PAPOLG: variants seen among roughly 807,000 people sequenced by gnomAD.
PAPOLG encodes the protein poly(A) polymerase gamma.
A neutral mutation model predicts 99.0 loss-of-function variants in PAPOLG; 40 were observed. The ratio of observed to expected loss-of-function variants is 0.40; its 90% confidence interval spans 0.31 to 0.53. The LOEUF (loss-of-function observed/expected upper bound fraction) is 0.53. Ranked by LOEUF, PAPOLG falls within the 20% of genes least tolerant of loss-of-function variation. The probability of loss-of-function intolerance (pLI) is 0.41; values close to 1 mark genes in which losing one functional copy is unlikely to be tolerated. For synonymous variants in PAPOLG, 310 were observed against 299.3 expected (o/e 1.04, Z -0.37); for missense variants, 675 against 884.1 (o/e 0.76, Z 3.00).
At chr2:60,795,814 G>T (rs967164969) in intron 21 of PAPOLG, among the ~76,000 whole-genome samples, 1 of 152,082 alleles carries the variant, frequency 6.6e-6, no homozygotes, top group South Asian at 2.1e-4. Flanking sequence ...GCTATTAGTT[G>T]TAGATTTTGA....
chr2:60,787,402 GTATT>G, intron 14 of PAPOLG, 105 bp from the exon 15 acceptor site: 5 of 1,338,964 alleles, frequency 3.7e-6, no homozygotes, highest in Non-Finnish European at 5.0e-6. Flanking sequence ...ACTGAAATCT[GTATT>G]TGTGAGATAG....
At chr2:60,796,930 C>T (rs1671725829) in intron 21 of PAPOLG, 132 bp from the exon 22 acceptor site, 2 of 1,089,072 alleles carry the variant, frequency 1.8e-6, no homozygotes, top group East Asian at 5.2e-5. Flanking sequence ...ATATTCATTG[C>T]ATACTTGAGT....
intron 8 of PAPOLG, among the ~76,000 whole-genome samples, chr2:60,775,990 C>G (rs891659407): frequency 1.3e-5 from 2 of 152,156 alleles, no homozygotes; most frequent in African/African-American, 4.8e-5. Flanking sequence ...GTCTCCAACT[C>G]CTGACCTTGT....
chr2:60,797,019 A>G, intron 21 of PAPOLG, 43 bp from the exon 22 acceptor site: 1 of 1,611,840 alleles, frequency 6.2e-7, no homozygotes, highest in Non-Finnish European at 8.5e-7. Flanking sequence ...TATAATATAT[A>G]TGATGTGCTT....
intron 9 of PAPOLG, 112 bp from the exon 10 acceptor site, chr2:60,780,595 A>G: frequency 1.7e-6 from 2 of 1,156,076 alleles, no homozygotes; most frequent in Non-Finnish European, 2.5e-6. Context: ...TTTAATACCA[A>G]ATACCCAGAA....
intron 13 of PAPOLG, among the ~76,000 whole-genome samples, chr2:60,784,887 G>C (rs764592257): frequency 6.6e-6 from 1 of 152,174 alleles, no homozygotes; most frequent in African/African-American, 2.4e-5. Context: ...CCGTCATTTA[G>C]ATGACACTGG....
At chr2:60,784,418 G>A (rs1358183900) in intron 13 of PAPOLG, among the ~76,000 whole-genome samples, 1 of 152,196 alleles carries the variant, frequency 6.6e-6, no homozygotes, top group African/African-American at 2.4e-5. Context: ...TGGTCAAGAA[G>A]TAGTGTGTTC....
chr2:60,771,657 T>G, intron 7 of PAPOLG, 27 bp downstream of exon 7: 1 of 1,586,938 alleles, frequency 6.3e-7, no homozygotes, highest in Non-Finnish European at 8.5e-7. Flanking sequence ...AAATCTCAGA[T>G]ACCTGCTTCA....
At chr2:60,769,900 C>T (rs1468075316) in intron 5 of PAPOLG, among the ~76,000 whole-genome samples, 1 of 152,056 alleles carries the variant, frequency 6.6e-6, no homozygotes, top group Non-Finnish European at 1.5e-5. Flanking sequence ...AGGTATTTGT[C>T]GTAATGTTCT....
At chr2:60,763,342 A>G (rs1282087947) in intron 3 of PAPOLG, among the ~76,000 whole-genome samples, 1 of 150,780 alleles carries the variant, frequency 6.6e-6, no homozygotes, top group African/African-American at 2.4e-5. Context: ...TCAGCCTCCC[A>G]AAGTGCTGGG....
rs1671203552 is a variant in PAPOLG, at chr2:60,781,992, A to C, written c.1014A>C (p.Glu338Asp). The C allele has an allele frequency of 6.2e-7, 1 of 1,613,876 alleles. No individual in the cohort carries two copies. The highest frequency in any genetic ancestry group is 1.3e-5 in the African/African-American group (1 of 74,936). Residue 338 changes from glutamate (E) to aspartate (D), a missense_variant, in exon 11 of 22, where the codon GAA (glutamate) becomes GAC (aspartate). Coordinates refer to ENST00000238714, the MANE Select transcript of PAPOLG (RefSeq NM_022894.4). ...CATCAACTCGAACAGTAATGGTAGA[A>C]GAATTTAAACAAGGTAAACATGTGG... Reference protein sequence around the residue: ...VSTSTRTVMVEEFKQGLAVTD... With the variant: ...VSTSTRTVMVDEFKQGLAVTD...
At chr2:60,765,663 A>G (rs980310897) in intron 3 of PAPOLG, among the ~76,000 whole-genome samples, 1 of 152,184 alleles carries the variant, frequency 6.6e-6, no homozygotes, top group Non-Finnish European at 1.5e-5. Flanking sequence ...CCCACATCAA[A>G]TCATTTTGGT....
rs752969883 is a variant in PAPOLG, at chr2:60,760,313, A to G, written c.179+18A>G. ...AACCACAGGTATGTCATTGAAAACC[A>G]TAAAATATTTGACAGTGCATTATTT... On this transcript the variant is annotated intron_variant, in intron 2 of 21. Transcript: ENST00000238714. 5.7e-6 allele frequency: 9 copies of G among 1,591,460 alleles called. No individual in the cohort carries two copies. Among genetic ancestry groups the G allele is most frequent in the African/African-American group, 4.0e-5 (3 of 74,128 alleles).
At chr2:60,770,614 A>C in intron 6 of PAPOLG, 103 bp downstream of exon 6, 1 of 728,382 alleles carries the variant, frequency 1.4e-6, no homozygotes, top group Non-Finnish European at 2.1e-6. Flanking sequence ...TAAAAAATCA[A>C]GTAATCTCTT....
intron 13 of PAPOLG, among the ~76,000 whole-genome samples, chr2:60,784,753 G>A (rs1007621222): frequency 1.4e-4 from 21 of 152,108 alleles, no homozygotes; most frequent in Admixed American, 3.9e-4. Flanking sequence ...ATGTTTCTTC[G>A]TTTATATATT....
chr2:60,760,763 C>T (rs1416115204), intron 2 of PAPOLG, among the ~76,000 whole-genome samples: 1 of 152,150 alleles, frequency 6.6e-6, no homozygotes. Context: ...GCTTGGAGGG[C>T]AAGAGCTCTT....
chr2:60,756,775 C>T (rs1396727761), intron 1 of PAPOLG, among the ~76,000 whole-genome samples: 1 of 152,038 alleles, frequency 6.6e-6, no homozygotes, highest in African/African-American at 2.4e-5. Flanking sequence ...GTGCCTGTGT[C>T]CGTAGGGAGA....
At chr2:60,758,336 T>G (rs1002268300) in intron 1 of PAPOLG, among the ~76,000 whole-genome samples, 22 of 149,444 alleles carry the variant, frequency 1.5e-4, no homozygotes, top group Admixed American at 1.4e-3. Flanking sequence ...GGGTTTTTTT[T>G]TTTTTTTTTT....
In PAPOLG at chr2:60,799,013, A is replaced by G. The variant is rs1021996653; in HGVS notation, c.*1853A>G. The G allele has an allele frequency of 2.0e-5, 3 of 152,342 alleles. No homozygotes were observed. The highest frequency in any genetic ancestry group is 7.2e-5 in the African/African-American group (3 of 41,438). 9.4% of individuals were successfully genotyped at this position (152,342 alleles called of 1,614,324 possible). ...TAGCTGACTCTTTCCCTTTATTCAG[A>G]TGTTTTGGGATTGTTCTACAAATAG... is the stretch of plus-strand genomic sequence containing the variant. On this transcript the variant is annotated 3_prime_UTR_variant, in exon 22 of 22. Transcript: ENST00000238714.
Sources: gnomAD v4.1 joint callset for allele counts (sites outside exome capture counted in the v4.1 genomes callset) on GRCh38, gnomAD v4.1.1 for gene constraint, MANE v1.5 for transcripts, NCBI Gene and HGNC (gene_info 2026-07-23, HGNC 2026-07-21) for gene names.